GCLC: variants seen among roughly 807,000 people sequenced by gnomAD.
GCLC encodes glutamate--cysteine ligase catalytic subunit.
In GCLC, 30 loss-of-function variants were observed where a neutral mutation model predicts 81.5. That is an observed-to-expected ratio of 0.37 (90% CI 0.28 to 0.50). The LOEUF (loss-of-function observed/expected upper bound fraction) is 0.50, where lower values mean the gene tolerates loss of function less well. GCLC is among the 20% of genes least tolerant of loss of function. GCLC has a pLI of 0.96. For synonymous variants in GCLC, 262 were observed against 273.3 expected (o/e 0.96, Z 0.41); for missense variants, 556 against 777.4 (o/e 0.72, Z 3.39).
At chr6:53,526,904 C>A (rs1033704847) in intron 1 of GCLC, among the ~76,000 whole-genome samples, 2 of 151,258 alleles carry the variant, frequency 1.3e-5, no homozygotes, top group African/African-American at 2.4e-5. Flanking sequence ...AATTAGGAAA[C>A]AATACAGTTC....
intron 1 of GCLC, among the ~76,000 whole-genome samples, chr6:53,542,405 C>T (rs147367168): frequency 1.5e-3 from 226 of 152,302 alleles, no homozygotes; most frequent in African/African-American, 4.9e-3. Flanking sequence ...CAAGGCTCTA[C>T]TCTTCAGCTC....
At chr6:53,504,863 C>A (rs939417151) in intron 12 of GCLC, among the ~76,000 whole-genome samples, 11 of 152,186 alleles carry the variant, frequency 7.2e-5, no homozygotes, top group Non-Finnish European at 1.6e-4. Context: ...CCAAGAGGAA[C>A]CCTGGCCCAG....
intron 8 of GCLC, 36 bp from the exon 9 acceptor site, chr6:53,507,654 T>C (rs200952485): frequency 1.1e-5 from 10 of 904,204 alleles, no homozygotes; most frequent in Admixed American, 6.2e-5. Flanking sequence ...GAATATGCTA[T>C]ATAAAATGAG....
intron 3 of GCLC, 132 bp downstream of exon 3, chr6:53,520,646 G>A: frequency 1.3e-6 from 1 of 799,928 alleles, no homozygotes. Context: ...AGTCTATCAA[G>A]TGCAGTCTAT....
At chr6:53,544,323 C>T (rs1298342706) in intron 1 of GCLC, among the ~76,000 whole-genome samples, 173 bp downstream of exon 1, 1 of 152,168 alleles carries the variant, frequency 6.6e-6, no homozygotes, top group Non-Finnish European at 1.5e-5. Context: ...TGGCCCTGGA[C>T]GCGGACTAGG....
chr6:53,499,797 A>G (rs1207245039), intron 15 of GCLC, among the ~76,000 whole-genome samples: 1 of 152,194 alleles, frequency 6.6e-6, no homozygotes, highest in Non-Finnish European at 1.5e-5. Context: ...TCCAGATGCC[A>G]TTTCATCATC....
chr6:53,530,090 A>G (rs897134333), intron 1 of GCLC, among the ~76,000 whole-genome samples: 1 of 152,240 alleles, frequency 6.6e-6, no homozygotes, highest in African/African-American at 2.4e-5. Flanking sequence ...AACAGAGAGA[A>G]AAAAGAGAGT....
chr6:53,498,974 G>C lies in GCLC; in HGVS notation c.1703-7C>G. The C allele has an allele frequency of 6.3e-7, 1 of 1,598,318 alleles. No individual in the cohort carries two copies. The highest frequency in any genetic ancestry group is 8.6e-7 in the Non-Finnish European group (1 of 1,166,430). On this transcript the variant is annotated splice_region_variant and splice_polypyrimidine_tract_variant and intron_variant, in intron 15 of 15. Coordinates refer to ENST00000650454, the MANE Select transcript of GCLC (RefSeq NM_001498.4). ...GCAACTGTCATTAGTTCTCCTGTGG[G>C]CGAGGGGGGAGCGAAAAAAAAATTA...
rs1258178169 is a variant in GCLC, at chr6:53,497,530, A to G, written c.*1226T>C. 6.6e-6 allele frequency: 1 copy of G among 152,566 alleles called. No individual in the cohort carries two copies. Among genetic ancestry groups the G allele is most frequent in the East Asian group, 1.9e-4 (1 of 5,204 alleles). 9.5% of individuals were successfully genotyped at this position (152,566 alleles called of 1,614,324 possible). On this transcript the variant is annotated 3_prime_UTR_variant, in exon 16 of 16. Transcript: ENST00000650454. The stretch of plus-strand genomic sequence containing the variant: ...TTTAAACATAAACAGGGTTAGCTGA[A>G]GCAGCTTTATTGCAATCTCTTCAAG...
chr6:53,521,964 A>T (rs1763006341), intron 2 of GCLC, among the ~76,000 whole-genome samples: 1 of 151,862 alleles, frequency 6.6e-6, no homozygotes, highest in Non-Finnish European at 1.5e-5. Context: ...ACAGAGTGAG[A>T]CTCCGTCTCA....
intron 1 of GCLC, among the ~76,000 whole-genome samples, chr6:53,535,932 C>T (rs771985880): frequency 2.6e-5 from 4 of 152,168 alleles, no homozygotes; most frequent in African/African-American, 7.2e-5. Flanking sequence ...GTTAACAACA[C>T]GCTACTCCTA....
Position 53,500,288 on chromosome 6 carries a change from C to T in GCLC, c.1540G>A (p.Glu514Lys). Reference sequence around the variant, plus strand: ...GTGTCTATGCTCATGAGGGTGTACTCCTCTGCAGCGAGCTCCGTGCTGTTC... The same window carrying T: ...GTGTCTATGCTCATGAGGGTGTACTTCTCTGCAGCGAGCTCCGTGCTGTTC... ...AQNSTELAAE[E>K]YTLMSIDTII... The change falls in exon 14 of 16, where the codon GAG becomes AAG. Residue 514 changes from glutamate (E) to lysine (K), a missense_variant. By Grantham distance (56) the Glu-to-Lys change is moderately conservative. Transcript: ENST00000650454. 1 of 1,614,192 alleles carries T rather than the reference C, an allele frequency of 6.2e-7. No homozygotes were observed.
intron 1 of GCLC, among the ~76,000 whole-genome samples, chr6:53,523,018 G>A (rs951600912): frequency 2.0e-4 from 31 of 152,302 alleles, no homozygotes; most frequent in African/African-American, 6.5e-4. Flanking sequence ...CCCACTTTTG[G>A]AGAGTTAAAT....
rs10588842 is a variant in GCLC, at chr6:53,538,136, C to CTT, written c.150+6358_150+6359dup. ...AGCTAGGCATTTTCTTTTTTCTTTC[C>CTT]TTTTTTTTTTTTTTTTTTTTTTTTT... On this transcript the variant is annotated intron_variant, in intron 1 of 15. Transcript: ENST00000650454. Among the ~76,000 whole-genome samples the CTT allele has an allele frequency of 2.0e-3, 158 of 78,902 alleles. 5 individuals carry two copies. Among genetic ancestry groups the CTT allele is most frequent in the African/African-American group, 5.8e-3 (111 of 19,128 alleles). 51.8% of individuals were successfully genotyped at this position (78,902 alleles called of 152,430 possible). A position where few individuals can be genotyped will look rare whatever the true frequency, so the allele number is the denominator to read the frequency against.
intron 6 of GCLC, among the ~76,000 whole-genome samples, chr6:53,511,293 T>C (rs642429): frequency 0.14 from 21,619 of 151,856 alleles, 1,601 homozygotes; most frequent in African/African-American, 0.17. Flanking sequence ...TGACAAGGCA[T>C]TGAGATTTTA....
intron 12 of GCLC, among the ~76,000 whole-genome samples, chr6:53,504,177 A>T (rs905345216): frequency 6.6e-6 from 1 of 151,892 alleles, no homozygotes; most frequent in Non-Finnish European, 1.5e-5. Flanking sequence ...TCTCTAAAAA[A>T]GGTTTAAAAG....
At chr6:53,514,148 G>A in intron 6 of GCLC, 56 bp downstream of exon 6, 2 of 1,566,944 alleles carry the variant, frequency 1.3e-6, no homozygotes, top group Non-Finnish European at 1.8e-6. Flanking sequence ...ATATAAAGAA[G>A]TTAAAAAACA....
chr6:53,520,782 G>A lies in GCLC; in HGVS notation c.442C>T (p.Pro148Ser), dbSNP rs1762978709. 6.2e-7 allele frequency: 1 copy of A among 1,613,510 alleles called. No homozygotes were observed. The highest frequency in any genetic ancestry group is 1.1e-5 in the South Asian group (1 of 91,064). ...CATGTTAATATAGGAACTAACCTGG[G>A]AAATGAAGTTATTGTGCAAAGAGCC... Reference protein sequence around the residue: ...NQALCTITSFPRLGCPGFTLP... With the variant: ...NQALCTITSFSRLGCPGFTLP... The change falls in exon 3 of 16, where the codon CCC becomes TCC. Residue 148 changes from proline to serine, a missense_variant. Pro to Ser is a moderately conservative substitution (Grantham distance 74). Transcript: ENST00000650454.
At chr6:53,502,688 G>C (rs578093353) in intron 12 of GCLC, among the ~76,000 whole-genome samples, 2 of 152,176 alleles carry the variant, frequency 1.3e-5, no homozygotes, top group South Asian at 4.2e-4. Flanking sequence ...CTTGTTCTAC[G>C]TACATCTTAT....
Sources: allele counts gnomAD v4.1 joint callset (sites outside exome capture counted in the v4.1 genomes callset), GRCh38; gene constraint gnomAD v4.1.1; transcripts MANE v1.5; gene names NCBI Gene and HGNC (gene_info 2026-07-23, HGNC 2026-07-21).